The following CSMD1 variants were observed in gnomAD, a reference collection of about 807,000 sequenced individuals.
CSMD1 encodes the protein CUB and sushi domain-containing protein 1.
In CSMD1, 213 loss-of-function variants were observed where a neutral mutation model predicts 417.5. The observed-to-expected ratio is 0.51, with a 90% CI of 0.46 to 0.57. The LOEUF (loss-of-function observed/expected upper bound fraction) is 0.57. Among genes scored for constraint, CSMD1 ranks in the 20% least tolerant of loss-of-function variants. The pLI, the probability that CSMD1 is intolerant of heterozygous loss-of-function variation, is 0.00. For synonymous variants in CSMD1, 2,862 were observed against 1,736.8 expected, an observed-to-expected ratio of 1.65 and a Z score of -16.11; for missense variants, 6,923 against 4,529.7, an observed-to-expected ratio of 1.53 and a Z score of -15.17.
chr8:4,635,103 A>T (rs1259456116), intron 2 of CSMD1, among the ~76,000 whole-genome samples: 1 of 152,196 alleles, frequency 6.6e-6, no homozygotes, highest in African/African-American at 2.4e-5. Context: ...TCTATTTCAA[A>T]CAAAAAATTG....
intron 1 of CSMD1, among the ~76,000 whole-genome samples, chr8:4,665,114 T>C (rs1804836253): frequency 6.6e-6 from 1 of 152,216 alleles, no homozygotes; most frequent in South Asian, 2.1e-4. Context: ...CCCTGCCCTC[T>C]GTATTTCTGG....
At chr8:3,901,168 G>C (rs993594023) in intron 5 of CSMD1, among the ~76,000 whole-genome samples, 3 of 152,186 alleles carry the variant, frequency 2.0e-5, no homozygotes, top group Non-Finnish European at 2.9e-5. Flanking sequence ...TATATCCTCA[G>C]CATGCAAAAG....
intron 3 of CSMD1, among the ~76,000 whole-genome samples, chr8:4,233,410 T>C (rs933648844): frequency 6.6e-6 from 1 of 152,218 alleles, no homozygotes; most frequent in Non-Finnish European, 1.5e-5. Flanking sequence ...ACAAAATTCA[T>C]GTGTTGAAAA....
chr8:4,124,337 G>A (rs975233782), intron 3 of CSMD1, among the ~76,000 whole-genome samples: 2 of 152,132 alleles, frequency 1.3e-5, no homozygotes, highest in African/African-American at 4.8e-5. Flanking sequence ...GATTCTAAAT[G>A]AGAAACTTTT....
chr8:4,334,065 G>T (rs996311744), intron 3 of CSMD1, among the ~76,000 whole-genome samples: 4 of 151,254 alleles, frequency 2.6e-5, no homozygotes, highest in Non-Finnish European at 5.9e-5. Context: ...CATTAATTAT[G>T]ATGATGATGA....
At chr8:4,182,608 A>C (rs1798440941) in intron 3 of CSMD1, among the ~76,000 whole-genome samples, 1 of 152,168 alleles carries the variant, frequency 6.6e-6, no homozygotes, top group South Asian at 2.1e-4. Context: ...AGGGAATTTT[A>C]TGGACAACAG....
At chr8:3,410,525 C>A (rs1442977202) in intron 12 of CSMD1, among the ~76,000 whole-genome samples, 1 of 152,108 alleles carries the variant, frequency 6.6e-6, no homozygotes, top group Admixed American at 6.5e-5. Flanking sequence ...GGGGGAGTTG[C>A]CCTGCACAAG....
At chr8:4,859,273 G>T in intron 1 of CSMD1, among the ~76,000 whole-genome samples, 1 of 151,988 alleles carries the variant, frequency 6.6e-6, no homozygotes, top group East Asian at 1.9e-4. Flanking sequence ...ATTCAAGATG[G>T]ATTAAAGACT....
intron 1 of CSMD1, among the ~76,000 whole-genome samples, chr8:4,693,597 G>A (rs1806918020): frequency 1.3e-5 from 2 of 152,174 alleles, no homozygotes; most frequent in Admixed American, 1.3e-4. Context: ...TGGTATTGAG[G>A]TAAAACAACG....
intron 5 of CSMD1, among the ~76,000 whole-genome samples, chr8:3,892,981 T>C (rs936323036): frequency 6.7e-6 from 1 of 150,024 alleles, no homozygotes. Flanking sequence ...AAAAAAAATA[T>C]GACATAACAA....
chr8:4,701,958 G>C (rs1030067221), intron 1 of CSMD1, among the ~76,000 whole-genome samples: 5 of 152,168 alleles, frequency 3.3e-5, no homozygotes, highest in African/African-American at 1.2e-4. Flanking sequence ...GTCCTTTGCA[G>C]GGGCATGGAT....
chr8:4,293,587 T>G (rs1797497835), intron 3 of CSMD1, among the ~76,000 whole-genome samples: 1 of 152,084 alleles, frequency 6.6e-6, no homozygotes, highest in Non-Finnish European at 1.5e-5. Context: ...ATAAAAGAGC[T>G]CATCTCATCA....
chr8:3,814,905 C>T (rs78414436), intron 5 of CSMD1, among the ~76,000 whole-genome samples: 1 of 152,030 alleles, frequency 6.6e-6, no homozygotes, highest in African/African-American at 2.4e-5. Context: ...AAATAAATGA[C>T]TTTAAAAACC....
chr8:3,163,595 C>A (rs1479443358), intron 37 of CSMD1, among the ~76,000 whole-genome samples: 1 of 151,600 alleles, frequency 6.6e-6, no homozygotes, highest in East Asian at 1.9e-4. Context: ...CCACGTCTCA[C>A]CAGACTTCAC....
chr8:4,424,889 A>C (rs1797456511), intron 2 of CSMD1, among the ~76,000 whole-genome samples: 1 of 152,100 alleles, frequency 6.6e-6, no homozygotes, highest in African/African-American at 2.4e-5. Context: ...CTACATGTGA[A>C]TCTATAATGA....
At chr8:4,423,868 T>C (rs1038708043) in intron 2 of CSMD1, among the ~76,000 whole-genome samples, 4 of 152,020 alleles carry the variant, frequency 2.6e-5, no homozygotes, top group Non-Finnish European at 5.9e-5. Context: ...GGCAAAGACA[T>C]AAACCCGTAT....
At chr8:4,152,687 C>G (rs1796631209) in intron 3 of CSMD1, among the ~76,000 whole-genome samples, 1 of 150,874 alleles carries the variant, frequency 6.6e-6, no homozygotes, top group Admixed American at 6.6e-5. Context: ...GAGACCTTGT[C>G]TCAAAAAAGA....
At chr8:3,826,345 G>C (rs1011260464) in intron 5 of CSMD1, among the ~76,000 whole-genome samples, 3 of 152,180 alleles carry the variant, frequency 2.0e-5, no homozygotes, top group Admixed American at 1.3e-4. Context: ...AAGAATGTTT[G>C]GGTTTGAAAA....
chr8:4,224,438 C>G (rs1292211960), intron 3 of CSMD1, among the ~76,000 whole-genome samples: 2 of 152,142 alleles, frequency 1.3e-5, no homozygotes, highest in Admixed American at 6.5e-5. Context: ...TCTTTTAAAG[C>G]TTATTCTCAG....
Sources: allele counts gnomAD v4.1 joint callset (sites outside exome capture counted in the v4.1 genomes callset), GRCh38; gene constraint gnomAD v4.1.1; transcripts MANE v1.5; gene names NCBI Gene and HGNC (gene_info 2026-07-23, HGNC 2026-07-21).